The following MGST2 variants were observed in gnomAD, a reference collection of about 807,000 sequenced individuals.
The protein encoded by MGST2 is glutathione peroxidase MGST2.
Under a neutral mutation model 16.6 loss-of-function variants are expected in MGST2, and 9 were observed. The observed-to-expected ratio is 0.54, with a 90% CI of 0.33 to 0.95. The LOEUF (loss-of-function observed/expected upper bound fraction) is 0.95, where lower values mean the gene tolerates loss of function less well. MGST2 is among the 40% of genes least tolerant of loss of function. The probability of loss-of-function intolerance (pLI) is 0.03; values close to 1 mark genes in which losing one functional copy is unlikely to be tolerated. For missense variants in MGST2, 159 were observed against 175.1 expected, an observed-to-expected ratio of 0.91 and a Z score of 0.52; for synonymous variants, 79 against 68.0, an observed-to-expected ratio of 1.16 and a Z score of -0.79.
chr4:139,738,147 C>T (rs1729017755), intron 5 of MGST2, among the ~76,000 whole-genome samples: 1 of 152,232 alleles, frequency 6.6e-6, no homozygotes, highest in Admixed American at 6.5e-5. Context: ...GGTTGTTATT[C>T]TTACTGCCGA....
At chr4:139,752,622 C>A in the MGST2 span, among the ~76,000 whole-genome samples, 7 of 152,272 alleles carry the variant, frequency 4.6e-5, no homozygotes, top group South Asian at 1.2e-3. Flanking sequence ...CAAATACATT[C>A]TGTATTTTTC....
At chr4:139,681,852 T>A (rs897988577) in intron 2 of MGST2, among the ~76,000 whole-genome samples, 6 of 152,154 alleles carry the variant, frequency 3.9e-5, no homozygotes, top group Non-Finnish European at 7.3e-5. Flanking sequence ...TCTTGGAGTT[T>A]GCTGAGGAAG....
intron 3 of MGST2, among the ~76,000 whole-genome samples, chr4:139,698,856 A>C (rs569633135): frequency 2.0e-5 from 3 of 148,820 alleles, no homozygotes; most frequent in African/African-American, 7.5e-5. Flanking sequence ...CTTGCACTGA[A>C]TTCATTTATC....
At chr4:139,695,414 G>A (rs2110879488) in intron 3 of MGST2, 147 bp downstream of exon 3, 1 of 682,386 alleles carries the variant, frequency 1.5e-6, no homozygotes, top group Non-Finnish European at 2.6e-6. Context: ...CTGAGGTCAG[G>A]AGTTCGAGAC....
intron 1 of MGST2, among the ~76,000 whole-genome samples, chr4:139,666,679 C>T (rs1730372400): frequency 6.6e-6 from 1 of 152,134 alleles, no homozygotes; most frequent in South Asian, 2.1e-4. Flanking sequence ...GGCTTTTACT[C>T]CATGGGAGTC....
intron 1 of MGST2, among the ~76,000 whole-genome samples, chr4:139,669,557 A>C (rs1469162390): frequency 6.6e-6 from 1 of 152,100 alleles, no homozygotes; most frequent in African/African-American, 2.4e-5. Flanking sequence ...CAGCACTGTC[A>C]GTTCCCATCC....
At chr4:139,667,872 ATGT>A (rs1350598709) in intron 1 of MGST2, among the ~76,000 whole-genome samples, 2 of 152,114 alleles carry the variant, frequency 1.3e-5, no homozygotes, top group East Asian at 1.9e-4. Context: ...AAAAAAAAAG[ATGT>A]TGATGAAGAG....
At chr4:139,748,417 A>C in the MGST2 span, among the ~76,000 whole-genome samples, 54 of 152,334 alleles carry the variant, frequency 3.5e-4, no homozygotes, top group Non-Finnish European at 6.5e-4. Flanking sequence ...AAAGAAGTGG[A>C]GCTCAGATTG....
At chr4:139,671,921 C>T (rs8192031) in intron 1 of MGST2, among the ~76,000 whole-genome samples, 12,052 of 152,154 alleles carry the variant, frequency 0.079, 1,006 homozygotes, top group African/African-American at 0.21. Context: ...GGATTACAGG[C>T]ACGAACTACC....
intron 2 of MGST2, among the ~76,000 whole-genome samples, chr4:139,688,218 C>T (rs1726358070): frequency 6.6e-6 from 1 of 152,078 alleles, no homozygotes; most frequent in African/African-American, 2.4e-5. Context: ...AATTCTTCAG[C>T]TTTTTTTCTC....
chr4:139,735,508 C>G lies in MGST2; in HGVS notation c.*49-4704C>G, dbSNP rs1427854160. ...GGCGGACACCAGACCCCAGGGCCGA[C>G]AGCCCGGGAGGGACCGGGTTCCAGG... On this transcript the variant is annotated intron_variant, in intron 5 of 5. Coordinates refer to the MGST2 transcript ENST00000616265. The surrounding 1 kb of genome is among the most constrained non-coding windows in gnomAD (Gnocchi z 5.8). Among the ~76,000 whole-genome samples, 2 of 151,940 alleles carry G rather than the reference C, an allele frequency of 1.3e-5. No individual in the cohort carries two copies. Among genetic ancestry groups the G allele is most frequent in the Non-Finnish European group, 2.9e-5 (2 of 67,966 alleles).
chr4:139,730,175 C>T (rs1310668445), intron 5 of MGST2: 1 of 571,676 alleles, frequency 1.7e-6, no homozygotes. Flanking sequence ...ATGTCTCTGG[C>T]ACACAGGCCT....
intron 5 of MGST2, chr4:139,730,461 T>G (rs1339063155): frequency 1.3e-6 from 2 of 1,552,138 alleles, no homozygotes; most frequent in Admixed American, 3.9e-5. Context: ...GCTGCTGCCT[T>G]TGCTCCCGCA....
chr4:139,695,373 G>C, intron 3 of MGST2, 106 bp downstream of exon 3: 1 of 976,600 alleles, frequency 1.0e-6, no homozygotes, highest in Non-Finnish European at 1.6e-6. Flanking sequence ...TATATTCCCA[G>C]CACTTTGGGA....
Position 139,735,964 on chromosome 4 carries a change from C to T in MGST2, c.*49-4248C>T, listed in dbSNP as rs1458585068. On this transcript the variant is annotated intron_variant, in intron 5 of 5. Transcript: ENST00000616265. The surrounding 1 kb of genome is among the most constrained non-coding windows in gnomAD (Gnocchi z 5.8). The stretch of plus-strand genomic sequence containing the variant: ...CGGTGTGCTCCAGCGGGCGCATTTC[C>T]CAGGCCCCGCCACATCGTGTGTGTT... Among the ~76,000 whole-genome samples the T allele has an allele frequency of 6.6e-6, 1 of 152,158 alleles. No homozygotes were observed.
intron 1 of MGST2, among the ~76,000 whole-genome samples, chr4:139,674,878 A>G (rs1730883402): frequency 6.6e-6 from 1 of 152,126 alleles, no homozygotes; most frequent in African/African-American, 2.4e-5. Context: ...CCTTTGGCTT[A>G]GTGATTTGGG....
chr4:139,681,599 C>T (rs2173207), intron 2 of MGST2, among the ~76,000 whole-genome samples: 37,514 of 151,888 alleles, frequency 0.25, 5,202 homozygotes, highest in African/African-American at 0.36. Context: ...GATGTTAAAC[C>T]GTCACTTTTT....
At chr4:139,720,064 G>C in intron 5 of MGST2, 3 of 1,614,088 alleles carry the variant, frequency 1.9e-6, no homozygotes, top group Non-Finnish European at 1.7e-6. Flanking sequence ...GGTTATGTGT[G>C]ATGCTCATGC....
chr4:139,703,516 T>C lies in MGST2; in HGVS notation c.291T>C (p.Tyr97=). ...IYGRHLYFWG[Y]SEAAKKRITG... Reference sequence around the variant, plus strand: ...GCCGTCACCTATACTTCTGGGGATATTCAGAAGCTGCTAAAAAACGGTAAG... The same window carrying C: ...GCCGTCACCTATACTTCTGGGGATACTCAGAAGCTGCTAAAAAACGGTAAG... Residue 97 remains tyrosine (Y), a synonymous_variant, in exon 4 of 5, where the codon TAT becomes TAC. Transcript: ENST00000265498. 6.2e-7 allele frequency: 1 copy of C among 1,614,048 alleles called. No homozygotes were observed. The highest frequency in any genetic ancestry group is 8.5e-7 in the Non-Finnish European group (1 of 1,179,950).
Sources: allele counts gnomAD v4.1 joint callset (sites outside exome capture counted in the v4.1 genomes callset), GRCh38; gene constraint gnomAD v4.1.1; non-coding constraint Gnocchi (gnomAD v3.1); transcripts MANE v1.5; gene names NCBI Gene and HGNC (gene_info 2026-07-23, HGNC 2026-07-21).